CHPT1: variants seen among roughly 807,000 people sequenced by gnomAD.
The protein encoded by CHPT1 is choline phosphotransferase 1, also known as cholinephosphotransferase 1.
A neutral mutation model predicts 47.6 loss-of-function variants in CHPT1; 36 were observed. That is an observed-to-expected ratio of 0.76 (90% confidence interval 0.58 to 1.00). The LOEUF (loss-of-function observed/expected upper bound fraction) is 1.00, where lower values mean the gene tolerates loss of function less well. Ranked by LOEUF, CHPT1 falls within the 50% of genes least tolerant of loss-of-function variation. The pLI is 0.00. For synonymous variants in CHPT1, 194 were observed against 186.3 expected (o/e 1.04, Z -0.33); for missense variants, 458 against 498.1 (o/e 0.92, Z 0.77).
chr12:101,709,253 C>G (rs1399379570), intron 1 of CHPT1, among the ~76,000 whole-genome samples: 2 of 147,052 alleles, frequency 1.4e-5, no homozygotes, highest in South Asian at 4.3e-4. Flanking sequence ...AAAAATTAAC[C>G]AGGCATGGTG....
At chr12:101,722,058 CAA>C (rs529429491) in intron 5 of CHPT1, among the ~76,000 whole-genome samples, 1 of 135,680 alleles carries the variant, frequency 7.4e-6, no homozygotes, top group African/African-American at 2.7e-5. Context: ...GATTCCATCT[CAA>C]AAAAAAAAAA....
rs1951485420 is a variant in CHPT1 at position 101,697,870 on chromosome 12, A to G, written c.9A>G (p.Ala3=). The change falls in exon 1 of 9, where the codon GCA becomes GCG. Residue 3 remains alanine, a synonymous_variant. Coordinates refer to ENST00000229266, the MANE Select transcript of CHPT1 (RefSeq NM_020244.3). MA[A]GAGAGSAPRW... ...GGGGCCCTCAGGCGGCCATGGCGGC[A>G]GGCGCCGGGGCCGGGTCCGCGCCGC... The G allele has an allele frequency of 2.5e-6, 3 of 1,184,444 alleles. No individual in the cohort carries two copies. Among genetic ancestry groups the G allele is most frequent in the Non-Finnish European group, 3.1e-6 (3 of 957,534 alleles). The allele number at this position is 1,184,444 out of a possible 1,614,324, so 73.4% of individuals were successfully genotyped here.
chr12:101,724,086 G>T (rs1326451301), intron 7 of CHPT1, among the ~76,000 whole-genome samples: 1 of 152,012 alleles, frequency 6.6e-6, no homozygotes, highest in Admixed American at 6.6e-5. Flanking sequence ...AGGCGTGGTG[G>T]TGCATCCCTG....
At position 101,714,171 on chromosome 12, in the gene CHPT1, A is replaced by G; in HGVS notation, c.355A>G (p.Arg119Gly). Residue 119 changes from arginine (R) to glycine (G), a missense_variant, in exon 2 of 9, where the codon AGA (arginine) becomes GGA (glycine). By Grantham distance (125) the Arg-to-Gly change is moderately radical. Coordinates refer to ENST00000229266, the MANE Select transcript of CHPT1 (RefSeq NM_020244.3). ...GGATGCTATTGATGGGAAACAAGCC[A>G]GAAGAACAAACTCTTGTTCCCCTTT... Reference protein sequence around the residue: ...SLDAIDGKQARRTNSCSPLGE... With the variant: ...SLDAIDGKQAGRTNSCSPLGE... 1 of 1,613,280 alleles carries G rather than the reference A, an allele frequency of 6.2e-7. No homozygotes were observed. The highest frequency in any genetic ancestry group is 1.3e-5 in the African/African-American group (1 of 75,034).
intron 1 of CHPT1, among the ~76,000 whole-genome samples, chr12:101,711,236 A>C (rs1300212287): frequency 6.7e-6 from 1 of 148,908 alleles, no homozygotes; most frequent in Non-Finnish European, 1.5e-5. Context: ...TTGCACTCCC[A>C]TGATCATTGT....
chr12:101,698,001 A>T lies in CHPT1; in HGVS notation c.140A>T (p.Gln47Leu). 1 of 1,566,172 alleles carries T rather than the reference A, an allele frequency of 6.4e-7. No individual in the cohort carries two copies. The highest frequency in any genetic ancestry group is 1.8e-5 in the Admixed American group (1 of 56,590). Residue 47 changes from glutamine (Q) to leucine (L), a missense_variant, in exon 1 of 9, where the codon CAG becomes CTG. Transcript: ENST00000229266. ...AGVSLLEPPL[Q>L]LYWTWLLQWI... Reference sequence around the variant, plus strand: ...GTCTCGCTGCTCGAGCCGCCGCTGCAGCTCTACTGGACCTGGCTGCTCCAG... The same window carrying T: ...GTCTCGCTGCTCGAGCCGCCGCTGCTGCTCTACTGGACCTGGCTGCTCCAG...
At position 101,726,397 on chromosome 12, in the gene CHPT1, C is replaced by G; in HGVS notation, c.1169C>G (p.Pro390Arg). The G allele has an allele frequency of 6.2e-7, 1 of 1,612,562 alleles. No individual in the cohort carries two copies. Residue 390 changes from proline to arginine, a missense_variant, in exon 8 of 9, where the codon CCT becomes CGT. Pro to Arg is a moderately radical substitution (Grantham distance 103). Transcript: ENST00000229266. ...NIFKTACHQA[P>R]EQVQVLSSKS... ...TTCAAGACTGCATGTCATCAAGCAC[C>G]TGAACAGGTTCACAAGCATATTGAC...
At chr12:101,701,037 A>G (rs1951547480) in intron 1 of CHPT1, among the ~76,000 whole-genome samples, 1 of 152,234 alleles carries the variant, frequency 6.6e-6, no homozygotes, top group Admixed American at 6.5e-5. Flanking sequence ...GAATAATAAC[A>G]TTTGATACGT....
At chr12:101,727,211 A>C (rs993478320) in intron 8 of CHPT1, 1 of 152,206 alleles carries the variant, frequency 6.6e-6, no homozygotes, top group Non-Finnish European at 1.5e-5. Context: ...ACTTGGTAAA[A>C]AAAATCTTCC....
rs143362978 is a variant in CHPT1 at position 101,713,300 on chromosome 12, C to T, written c.274-790C>T. Among the ~76,000 whole-genome samples the T allele has an allele frequency of 2.7e-4, 33 of 123,746 alleles. 2 individuals are homozygous for T. The highest frequency in any genetic ancestry group is 6.2e-4 in the Admixed American group (7 of 11,276). 81.2% of individuals were successfully genotyped at this position (123,746 alleles called of 152,430 possible). On this transcript the variant is annotated intron_variant, in intron 1 of 8. Transcript: ENST00000229266. ...TCCCTGGCCTTTGTTAGTTTCATCTCATTCAGGCACAGATGAGTTCTCAGC... is the reference window on the plus strand; with the variant it reads ...TCCCTGGCCTTTGTTAGTTTCATCTTATTCAGGCACAGATGAGTTCTCAGC...
intron 4 of CHPT1, among the ~76,000 whole-genome samples, chr12:101,718,973 A>G (rs1037337453): frequency 1.3e-5 from 2 of 151,986 alleles, no homozygotes. Flanking sequence ...CCTGGCCAAC[A>G]TGGCAAAACC....
chr12:101,714,965 G>A (rs1951743874), intron 3 of CHPT1: 1 of 174,474 alleles, frequency 5.7e-6, no homozygotes. Context: ...ACTTAAATAA[G>A]CATTTGATTC....
intron 1 of CHPT1, among the ~76,000 whole-genome samples, chr12:101,705,087 T>C (rs1452506086): frequency 8.2e-6 from 1 of 121,818 alleles, no homozygotes; most frequent in Non-Finnish European, 1.6e-5. Context: ...CATTGCTTTT[T>C]TGTTTTGTTT....
intron 1 of CHPT1, among the ~76,000 whole-genome samples, chr12:101,702,698 C>G (rs1484668219): frequency 1.3e-5 from 2 of 151,828 alleles, no homozygotes; most frequent in East Asian, 3.9e-4. Flanking sequence ...TTTTTAAGCA[C>G]TCTTTTACTC....
At chr12:101,703,692 G>A (rs897331856) in intron 1 of CHPT1, among the ~76,000 whole-genome samples, 2 of 151,936 alleles carry the variant, frequency 1.3e-5, no homozygotes, top group Non-Finnish European at 2.9e-5. Context: ...CCCTCCCTCC[G>A]TAAACAAAGA....
chr12:101,728,954 C>G lies in CHPT1; in HGVS notation c.*9C>G, dbSNP rs375690461. 2 of 1,613,484 alleles carry G rather than the reference C, an allele frequency of 1.2e-6. No homozygotes were observed. Among genetic ancestry groups the G allele is most frequent in the Non-Finnish European group, 8.5e-7 (1 of 1,179,686 alleles). ...AGAATAACATGGATTGAAGAGACTT[C>G]CGAACACTTGCTATCTCTTGCTGCT... On this transcript the variant is annotated 3_prime_UTR_variant, in exon 9 of 9. Coordinates refer to ENST00000229266, the MANE Select transcript of CHPT1 (RefSeq NM_020244.3).
In CHPT1 at chr12:101,712,771, T is replaced by G. The variant is rs763609568; in HGVS notation, c.274-1319T>G. On this transcript the variant is annotated intron_variant, in intron 1 of 8. Transcript: ENST00000229266. ...TTTCTTCCATTTCTGTTTATAATTT[T>G]CCTGTTTTCCTCTACTTTCTTGAAC... Among the ~76,000 whole-genome samples the G allele has an allele frequency of 9.4e-5, 14 of 148,890 alleles. 1 individual carries two copies. Among genetic ancestry groups the G allele is most frequent in the Non-Finnish European group, 1.1e-4 (7 of 66,584 alleles).
chr12:101,726,277 C>G lies in CHPT1; in HGVS notation c.1066-17C>G, dbSNP rs746525451. On this transcript the variant is annotated splice_polypyrimidine_tract_variant and intron_variant, in intron 7 of 8. Transcript: ENST00000229266. ...TAGATCATAATCGATTTTATATTTT[C>G]TTTTTTGCTTCTAAAGGTGATTTCT... The G allele has an allele frequency of 6.5e-7, 1 of 1,537,420 alleles. No individual in the cohort carries two copies. The highest frequency in any genetic ancestry group is 9.0e-7 in the Non-Finnish European group (1 of 1,114,326).
Position 101,719,021 on chromosome 12 carries a change from G to T in CHPT1, c.649-1102G>T, listed in dbSNP as rs573097740. Among the ~76,000 whole-genome samples, 9 of 152,062 alleles carry T rather than the reference G, an allele frequency of 5.9e-5. No homozygotes were observed. The South Asian group carries it at 1.5e-3, about 25-fold the overall frequency. On this transcript the variant is annotated intron_variant, in intron 4 of 8. Coordinates refer to ENST00000229266, the MANE Select transcript of CHPT1 (RefSeq NM_020244.3). ...AAAATACACAAATTAGCCGGGTGTG[G>T]TGATGGGCACCTGTAATCCCAGCTA...
Sources: allele counts gnomAD v4.1 joint callset (sites outside exome capture counted in the v4.1 genomes callset), GRCh38; gene constraint gnomAD v4.1.1; transcripts MANE v1.5; gene names NCBI Gene and HGNC (gene_info 2026-07-23, HGNC 2026-07-21).